ADAMTS18: variants seen among roughly 807,000 people sequenced by gnomAD.
ADAMTS18 encodes the protein A disintegrin and metalloproteinase with thrombospondin motifs 18.
Under a neutral mutation model 165.9 loss-of-function variants are expected in ADAMTS18, and 157 were observed. The observed-to-expected ratio is 0.95, with a 90% CI of 0.83 to 1.08. The LOEUF is 1.08. Among genes scored for constraint, ADAMTS18 ranks in the 50% least tolerant of loss-of-function variants. ADAMTS18 has a pLI of 0.00. For synonymous variants in ADAMTS18, 782 were observed against 578.2 expected (o/e 1.35, Z -5.06); for missense variants, 2,040 against 1,534.0 (o/e 1.33, Z -5.51).
chr16:77,390,912 A>G (rs2057177797), intron 3 of ADAMTS18, among the ~76,000 whole-genome samples: 1 of 152,176 alleles, frequency 6.6e-6, no homozygotes, highest in Non-Finnish European at 1.5e-5. Flanking sequence ...GGCAGCTACC[A>G]TACTAAACAG....
At chr16:77,364,063 G>T in intron 5 of ADAMTS18, 125 bp downstream of exon 5, 3 of 1,364,666 alleles carry the variant, frequency 2.2e-6, no homozygotes, top group African/African-American at 1.4e-5. Flanking sequence ...GCTATTAAAA[G>T]TAATGGCAGA....
intron 19 of ADAMTS18, among the ~76,000 whole-genome samples, chr16:77,293,511 T>G (rs1350609065): frequency 2.0e-5 from 3 of 151,974 alleles, no homozygotes; most frequent in East Asian, 1.9e-4. Context: ...CTCAACACCA[T>G]GTACTATTTA....
intron 16 of ADAMTS18, 83 bp from the exon 17 acceptor site, chr16:77,300,487 A>G: frequency 6.7e-7 from 1 of 1,487,854 alleles, no homozygotes; most frequent in South Asian, 1.1e-5. Context: ...CATTTTAAAG[A>G]TATTTACATG....
intron 16 of ADAMTS18, among the ~76,000 whole-genome samples, chr16:77,303,251 T>A (rs1410343228): frequency 3.3e-5 from 5 of 152,134 alleles, no homozygotes; most frequent in Non-Finnish European, 7.4e-5. Flanking sequence ...GCCTTTTAAT[T>A]TAAATAACCA....
chr16:77,307,482 T>A (rs1374871798), intron 16 of ADAMTS18, among the ~76,000 whole-genome samples: 1 of 152,216 alleles, frequency 6.6e-6, no homozygotes, highest in African/African-American at 2.4e-5. Flanking sequence ...ACATTGAACC[T>A]TGACTACAGT....
At chr16:77,400,773 T>A (rs893097251) in intron 3 of ADAMTS18, among the ~76,000 whole-genome samples, 1 of 151,918 alleles carries the variant, frequency 6.6e-6, no homozygotes, top group Non-Finnish European at 1.5e-5. Context: ...CTGGCCTCTC[T>A]GTGGTTCTTA....
chr16:77,296,823 C>T (rs2055482290), intron 18 of ADAMTS18, among the ~76,000 whole-genome samples: 2 of 151,928 alleles, frequency 1.3e-5, no homozygotes, highest in African/African-American at 2.4e-5. Context: ...CCTTGTTCCT[C>T]CTCCCCTCCA....
chr16:77,339,876 G>C (rs983654999), intron 11 of ADAMTS18, among the ~76,000 whole-genome samples: 6 of 151,040 alleles, frequency 4.0e-5, no homozygotes, highest in Admixed American at 6.6e-5. Context: ...GTCTTTTTAA[G>C]AGATAGTGAA....
intron 3 of ADAMTS18, among the ~76,000 whole-genome samples, chr16:77,419,382 C>G (rs1597252328): frequency 6.6e-6 from 1 of 152,240 alleles, no homozygotes; most frequent in East Asian, 1.9e-4. Context: ...GGTCACTCAG[C>G]TCTCTGACAC....
At chr16:77,381,469 G>A (rs1281037588) in intron 3 of ADAMTS18, among the ~76,000 whole-genome samples, 1 of 152,174 alleles carries the variant, frequency 6.6e-6, no homozygotes, top group Admixed American at 6.5e-5. Flanking sequence ...AGTAAACTCA[G>A]GTCATTCTCA....
Position 77,432,249 on chromosome 16 carries a change from C to T in ADAMTS18, c.179-638G>A, listed in dbSNP as rs973499478. Among the ~76,000 whole-genome samples, 18 of 152,320 alleles carry T rather than the reference C, an allele frequency of 1.2e-4. No individual in the cohort carries two copies. The East Asian group carries it at 1.3e-3, about 11-fold the overall frequency. On this transcript the variant is annotated intron_variant, in intron 2 of 22. Coordinates refer to ENST00000282849, the MANE Select transcript of ADAMTS18 (RefSeq NM_199355.4). Reference sequence around the variant, plus strand: ...CTTAGCATTTTACTGTGAGCTTTCACAGGGATGATCCCATTTAATTGTAAG... The same window carrying T: ...CTTAGCATTTTACTGTGAGCTTTCATAGGGATGATCCCATTTAATTGTAAG...
At chr16:77,345,476 G>C (rs1187056007) in intron 10 of ADAMTS18, among the ~76,000 whole-genome samples, 3 of 151,982 alleles carry the variant, frequency 2.0e-5, no homozygotes, top group Non-Finnish European at 4.4e-5. Context: ...AACAATTATG[G>C]CCACCTTCCA....
chr16:77,340,526 C>G (rs976358814), intron 11 of ADAMTS18, among the ~76,000 whole-genome samples: 3 of 151,964 alleles, frequency 2.0e-5, no homozygotes, highest in African/African-American at 7.3e-5. Context: ...ATCTCTACAT[C>G]CCCAGAGTCT....
At chr16:77,372,543 C>T (rs76470707) in intron 3 of ADAMTS18, among the ~76,000 whole-genome samples, 6 of 152,202 alleles carry the variant, frequency 3.9e-5, no homozygotes, top group African/African-American at 1.2e-4. Context: ...CATTCACAAG[C>T]ACATGCTGGG....
intron 3 of ADAMTS18, among the ~76,000 whole-genome samples, chr16:77,387,448 C>A (rs900030052): frequency 6.6e-6 from 1 of 152,188 alleles, no homozygotes; most frequent in Non-Finnish European, 1.5e-5. Context: ...AGATAACCAG[C>A]TTCTTGGAAA....
At chr16:77,377,489 C>G (rs1175375574) in intron 3 of ADAMTS18, among the ~76,000 whole-genome samples, 1 of 152,074 alleles carries the variant, frequency 6.6e-6, no homozygotes, top group Non-Finnish European at 1.5e-5. Context: ...AACAATAGAG[C>G]CAGAACTTCA....
chr16:77,314,753 CATATATATATATAT>C lies in ADAMTS18; in HGVS notation c.2532+5082_2532+5095del, dbSNP rs36191323. ...GTTTGCTAAATATGGTCTCAGGTTT[CATATATATATATAT>C]ATATATATATATATATATAAAATAT... is the stretch of plus-strand genomic sequence containing the variant. On this transcript the variant is annotated intron_variant, in intron 16 of 22. Transcript: ENST00000282849. Among the ~76,000 whole-genome samples the C allele has an allele frequency of 8.7e-4, 32 of 36,916 alleles. 3 individuals carry two copies. The highest frequency in any genetic ancestry group is 4.3e-3 in the South Asian group (5 of 1,170). The allele number at this position is 36,916 out of a possible 152,430, so 24.2% of individuals were successfully genotyped here. A position where few individuals can be genotyped will look rare whatever the true frequency, so the allele number is the denominator to read the frequency against.
intron 16 of ADAMTS18, among the ~76,000 whole-genome samples, chr16:77,314,649 G>GTGTGTGTATA (rs10527824): frequency 0.027 from 3,412 of 126,422 alleles, 215 homozygotes; most frequent in African/African-American, 0.1. Context: ...GTGTGTGTGT[G>GTGTGTGTATA]TATATATATA....
chr16:77,433,734 G>C (rs1385127302), intron 2 of ADAMTS18, among the ~76,000 whole-genome samples: 2 of 152,180 alleles, frequency 1.3e-5, no homozygotes, highest in Non-Finnish European at 2.9e-5. Context: ...CTTGCGTCAG[G>C]AATCAGCTGT....
Sources: allele counts gnomAD v4.1 joint callset (sites outside exome capture counted in the v4.1 genomes callset), GRCh38; gene constraint gnomAD v4.1.1; transcripts MANE v1.5; gene names NCBI Gene and HGNC (gene_info 2026-07-23, HGNC 2026-07-21).